FLT3: variants seen among roughly 807,000 people sequenced by gnomAD.
FLT3 encodes fms related receptor tyrosine kinase 3, also known as receptor-type tyrosine-protein kinase FLT3.
In FLT3, 46 loss-of-function variants were observed where a neutral mutation model predicts 126.6. The ratio of observed to expected loss-of-function variants is 0.36; its 90% CI spans 0.29 to 0.46. The LOEUF (loss-of-function observed/expected upper bound fraction) is 0.46, where lower values mean the gene tolerates loss of function less well. FLT3 is among the 20% of genes least tolerant of loss of function. The pLI, the probability that FLT3 is intolerant of heterozygous loss-of-function variation, is 1.00. For synonymous variants in FLT3, 404 were observed against 434.4 expected, an observed-to-expected ratio of 0.93 and a Z score of 0.87; for missense variants, 1,069 against 1,190.3, an observed-to-expected ratio of 0.90 and a Z score of 1.50.
intron 5 of FLT3, among the ~76,000 whole-genome samples, chr13:28,050,584 T>C (rs73439135): frequency 0.064 from 9,798 of 152,108 alleles, 1,012 homozygotes; most frequent in African/African-American, 0.22. Flanking sequence ...AAAAGCATGA[T>C]TGGGCTTTCA....
chr13:28,100,420 GGGGCTGA>G lies in FLT3; in HGVS notation c.43+41_43+47del. 8.3e-6 allele frequency: 10 copies of G among 1,199,762 alleles called. No homozygotes were observed. Among genetic ancestry groups the G allele is most frequent in the Non-Finnish European group, 1.0e-5 (10 of 962,942 alleles). 74.3% of individuals were successfully genotyped at this position (1,199,762 alleles called of 1,614,324 possible). A position where few individuals can be genotyped will look rare whatever the true frequency, so the allele number is the denominator to read the frequency against. On this transcript the variant is annotated intron_variant, in intron 1 of 23. Transcript: ENST00000241453. This position sits in a 1 kb window ranked among gnomAD's most constrained non-coding sequence, Gnocchi z 4.8. Reference sequence around the variant, plus strand: ...GCGCCCGGGTCCACACTGCGGGGTGGGGGCTGAGGGACCGCGAGGGGCTGCGAGCGAG... The same window carrying G: ...GCGCCCGGGTCCACACTGCGGGGTGGGGGACCGCGAGGGGCTGCGAGCGAG...
intron 1 of FLT3, among the ~76,000 whole-genome samples, chr13:28,081,844 CTTTTTTTT>C (rs35243277): frequency 4.6e-5 from 3 of 64,988 alleles, no homozygotes; most frequent in Admixed American, 2.1e-4. Flanking sequence ...TACTTTGATT[CTTTTTTTT>C]TTTTTTTTTT....
rs565472571 is a variant in FLT3 at position 28,010,455 on chromosome 13, G to T, written c.2859+3997C>A. Among the ~76,000 whole-genome samples, 42 of 152,292 alleles carry T rather than the reference G, an allele frequency of 2.8e-4. No homozygotes were observed. In the South Asian group the frequency reaches 8.7e-3, roughly 32 times the overall value. ...CTGAAATCTGACTAGGGAAATTGGG[G>T]GAGGCTTTGCAGAGCACAGAATATT... On this transcript the variant is annotated intron_variant, in intron 23 of 23. Coordinates refer to ENST00000241453, the MANE Select transcript of FLT3 (RefSeq NM_004119.3).
At chr13:28,027,814 C>T (rs976323002) in intron 16 of FLT3, among the ~76,000 whole-genome samples, 6 of 152,192 alleles carry the variant, frequency 3.9e-5, no homozygotes, top group Non-Finnish European at 2.9e-5. Flanking sequence ...TTGACGGCAG[C>T]CCAACTGGGG....
intron 9 of FLT3, among the ~76,000 whole-genome samples, chr13:28,042,485 T>C (rs1301870210): frequency 1.8e-5 from 2 of 111,858 alleles, no homozygotes; most frequent in African/African-American, 6.5e-5. Context: ...TGGAATTATG[T>C]GTTTTTTTAA....
intron 1 of FLT3, among the ~76,000 whole-genome samples, chr13:28,084,580 T>C (rs974535154): frequency 9.9e-5 from 15 of 152,184 alleles, no homozygotes; most frequent in Non-Finnish European, 2.1e-4. Flanking sequence ...TAATTATTTT[T>C]TTCTAATTTT....
intron 1 of FLT3, among the ~76,000 whole-genome samples, chr13:28,073,940 T>TAAAAAA (rs747529463): frequency 7.5e-6 from 1 of 132,514 alleles, no homozygotes. Context: ...ATCCTGCCTC[T>TAAAAAA]AAAAAAAAAA....
At chr13:28,055,414 TA>T in intron 4 of FLT3, among the ~76,000 whole-genome samples, 1 of 152,366 alleles carries the variant, frequency 6.6e-6, no homozygotes, top group East Asian at 1.9e-4. Context: ...TATTCATCTT[TA>T]AAAAAGTAGA....
chr13:28,061,506 C>T (rs1328428196), intron 3 of FLT3, among the ~76,000 whole-genome samples: 4 of 152,146 alleles, frequency 2.6e-5, no homozygotes, highest in African/African-American at 9.7e-5. Context: ...TGACTCACAC[C>T]TGTAATCCCG....
At chr13:28,090,477 C>G (rs1246418838) in intron 1 of FLT3, among the ~76,000 whole-genome samples, 1 of 152,092 alleles carries the variant, frequency 6.6e-6, no homozygotes, top group African/African-American at 2.4e-5. Flanking sequence ...CCTCAATAAA[C>G]CTGACTTTTT....
intron 9 of FLT3, among the ~76,000 whole-genome samples, chr13:28,039,480 C>A (rs1166179952): frequency 6.6e-6 from 1 of 151,506 alleles, no homozygotes; most frequent in African/African-American, 2.4e-5. Flanking sequence ...GGATGAATTA[C>A]GCATTTTAAA....
chr13:28,055,080 T>C (rs1279040144), intron 4 of FLT3, among the ~76,000 whole-genome samples: 3 of 152,240 alleles, frequency 2.0e-5, no homozygotes, highest in African/African-American at 7.2e-5. Context: ...TTTTTCTCCC[T>C]GTAATTTCTA....
intron 18 of FLT3, among the ~76,000 whole-genome samples, chr13:28,023,979 T>C (rs543777228): frequency 6.6e-6 from 1 of 152,092 alleles, no homozygotes; most frequent in Non-Finnish European, 1.5e-5. Context: ...GCCAGGATGG[T>C]CTTGATCTCC....
chr13:28,036,963 G>A (rs548533532), intron 10 of FLT3, among the ~76,000 whole-genome samples: 2 of 152,304 alleles, frequency 1.3e-5, no homozygotes, highest in South Asian at 2.1e-4. Context: ...GTGGTAGAGT[G>A]AGACCTGGTC....
At chr13:28,029,341 G>GAGATTGAGCCC (rs1873109918) in intron 15 of FLT3, among the ~76,000 whole-genome samples, 1 of 152,190 alleles carries the variant, frequency 6.6e-6, no homozygotes, top group Non-Finnish European at 1.5e-5. Flanking sequence ...GCAGTGAGCC[G>GAGATTGAGCCC]AGATTGAGCC....
intron 23 of FLT3, among the ~76,000 whole-genome samples, chr13:28,009,796 A>G (rs909725626): frequency 2.0e-5 from 3 of 152,132 alleles, no homozygotes; most frequent in Non-Finnish European, 2.9e-5. Context: ...TCCTGAGCTC[A>G]ATCTATGTTT....
intron 21 of FLT3, 97 bp downstream of exon 21, chr13:28,015,493 A>C: frequency 1.8e-6 from 1 of 551,868 alleles, no homozygotes; most frequent in Non-Finnish European, 3.3e-6. Context: ...CAATACAAGT[A>C]AGACCCATCA....
intron 23 of FLT3, among the ~76,000 whole-genome samples, chr13:28,005,959 T>A (rs1870847739): frequency 6.6e-6 from 1 of 152,078 alleles, no homozygotes; most frequent in Admixed American, 6.6e-5. Flanking sequence ...GCCTTTTATG[T>A]ATATAAAAGG....
chr13:28,097,335 C>T (rs142258068), intron 1 of FLT3, among the ~76,000 whole-genome samples: 2,009 of 152,276 alleles, frequency 0.013, 36 homozygotes, highest in African/African-American at 0.047. Context: ...TGCATGTTTT[C>T]TCTTCATTTT....
Sources: gnomAD v4.1 joint callset for allele counts (sites outside exome capture counted in the v4.1 genomes callset) on GRCh38, gnomAD v4.1.1 for gene constraint, Gnocchi (gnomAD v3.1) non-coding constraint, MANE v1.5 for transcripts, NCBI Gene and HGNC (gene_info 2026-07-23, HGNC 2026-07-21) for gene names.